ARHGAP10: variants seen among roughly 807,000 people sequenced by gnomAD.
ARHGAP10 encodes the protein Rho GTPase activating protein 10, also known as rho GTPase-activating protein 10.
Under a neutral mutation model 108.6 loss-of-function variants are expected in ARHGAP10, and 87 were observed. The ratio of observed to expected loss-of-function variants is 0.80; its 90% CI spans 0.67 to 0.96. The LOEUF (loss-of-function observed/expected upper bound fraction) is 0.96. ARHGAP10 is among the 40% of genes least tolerant of loss of function. ARHGAP10 has a pLI of 0.00. For missense variants in ARHGAP10, 939 were observed against 954.5 expected, an observed-to-expected ratio of 0.98 and a Z score of 0.21; for synonymous variants, 347 against 341.1, an observed-to-expected ratio of 1.02 and a Z score of -0.19.
At chr4:147,922,476 T>C (rs1578692978) in intron 13 of ARHGAP10, among the ~76,000 whole-genome samples, 1 of 149,386 alleles carries the variant, frequency 6.7e-6, no homozygotes, top group Admixed American at 6.7e-5. Flanking sequence ...GATCACGAGG[T>C]CAGGAGATCG....
chr4:148,039,051 C>CCA (rs1402538920), intron 19 of ARHGAP10, among the ~76,000 whole-genome samples: 1 of 152,140 alleles, frequency 6.6e-6, no homozygotes, highest in African/African-American at 2.4e-5. Context: ...CTACCCACCC[C>CCA]CACCATGTTG....
intron 3 of ARHGAP10, 52 bp from the exon 4 acceptor site, chr4:147,847,099 C>T: frequency 2.0e-6 from 3 of 1,466,238 alleles, no homozygotes; most frequent in South Asian, 2.4e-5. Context: ...CTAATTTTTT[C>T]CTTTTTGGAA....
chr4:148,065,778 G>T (rs1311678910), intron 22 of ARHGAP10: 1 of 152,108 alleles, frequency 6.6e-6, no homozygotes, highest in Admixed American at 6.5e-5. Context: ...AGTTACCTTG[G>T]TAGAAGGTGT....
In ARHGAP10 at chr4:147,948,276, A is replaced by G. The variant is rs574292286; in HGVS notation, c.1391+1572A>G. Among the ~76,000 whole-genome samples, 5 of 152,294 alleles carry G rather than the reference A, an allele frequency of 3.3e-5. No individual in the cohort carries two copies. In the South Asian group the frequency reaches 6.2e-4, roughly 19 times the overall value. On this transcript the variant is annotated intron_variant, in intron 15 of 22. Transcript: ENST00000336498. Reference sequence around the variant, plus strand: ...TGAAACATCATATTACTGTACCCATAAATACTTCAGTATTTATCTCAAAAA... The same window carrying G: ...TGAAACATCATATTACTGTACCCATGAATACTTCAGTATTTATCTCAAAAA...
At chr4:147,753,769 A>G (rs1729261496) in intron 1 of ARHGAP10, among the ~76,000 whole-genome samples, 1 of 152,214 alleles carries the variant, frequency 6.6e-6, no homozygotes, top group African/African-American at 2.4e-5. Flanking sequence ...AACTATTTTC[A>G]TGATGCTCAC....
intron 1 of ARHGAP10, among the ~76,000 whole-genome samples, chr4:147,740,066 TGA>T (rs1728597003): frequency 2.0e-5 from 3 of 147,812 alleles, no homozygotes; most frequent in Non-Finnish European, 4.5e-5. Context: ...TTTTTTTTTT[TGA>T]GACAGAGTCT....
At chr4:148,058,890 A>G (rs1217936358) in intron 20 of ARHGAP10, among the ~76,000 whole-genome samples, 2 of 152,154 alleles carry the variant, frequency 1.3e-5, no homozygotes, top group Non-Finnish European at 2.9e-5. Context: ...TAAAGAAGAG[A>G]GTTTCCTCAT....
At chr4:147,775,480 C>A (rs1730248586) in intron 1 of ARHGAP10, among the ~76,000 whole-genome samples, 1 of 152,184 alleles carries the variant, frequency 6.6e-6, no homozygotes, top group African/African-American at 2.4e-5. Context: ...TTCCTCAGAG[C>A]TGCATTAGGG....
intron 22 of ARHGAP10, among the ~76,000 whole-genome samples, chr4:148,067,312 A>G (rs1411732621): frequency 6.6e-6 from 1 of 152,246 alleles, no homozygotes; most frequent in Admixed American, 6.5e-5. Context: ...TGCACCTTAC[A>G]TCTTCTGTGC....
At chr4:148,039,180 G>A (rs1728511362) in intron 19 of ARHGAP10, among the ~76,000 whole-genome samples, 1 of 151,678 alleles carries the variant, frequency 6.6e-6, no homozygotes, top group Non-Finnish European at 1.5e-5. Context: ...ATCTTATATT[G>A]CTTCTTTTAT....
intron 12 of ARHGAP10, among the ~76,000 whole-genome samples, chr4:147,911,796 A>C (rs1736748102): frequency 6.6e-6 from 1 of 152,174 alleles, no homozygotes; most frequent in African/African-American, 2.4e-5. Flanking sequence ...CTGCCATATG[A>C]ATCATCTGTT....
At chr4:148,039,759 C>A (rs1728551911) in intron 19 of ARHGAP10, among the ~76,000 whole-genome samples, 1 of 151,980 alleles carries the variant, frequency 6.6e-6, no homozygotes, top group Non-Finnish European at 1.5e-5. Context: ...GTCTTACGTG[C>A]AGGATTTTCC....
intron 1 of ARHGAP10, among the ~76,000 whole-genome samples, chr4:147,806,744 C>T (rs1731801791): frequency 6.6e-6 from 1 of 152,114 alleles, no homozygotes; most frequent in Middle Eastern, 3.2e-3. Context: ...TTCTGTTGCC[C>T]AGGCTGGAGT....
At chr4:147,906,843 A>C (rs1026306686) in intron 11 of ARHGAP10, 124 bp downstream of exon 11, 6 of 1,121,248 alleles carry the variant, frequency 5.4e-6, no homozygotes, top group Non-Finnish European at 7.9e-6. Context: ...TCCAAAAATC[A>C]TCGTGGAAGC....
intron 20 of ARHGAP10, among the ~76,000 whole-genome samples, chr4:148,059,425 CA>C: frequency 6.6e-6 from 1 of 151,672 alleles, no homozygotes; most frequent in South Asian, 2.1e-4. Context: ...TCTTACTAAT[CA>C]AAAATCCGTA....
chr4:147,866,236 T>C (rs1353173147), intron 6 of ARHGAP10: 3 of 152,838 alleles, frequency 2.0e-5, no homozygotes, highest in African/African-American at 7.2e-5. Flanking sequence ...AGTAAAGGTT[T>C]AATTACGGGT....
At chr4:147,858,742 C>T (rs7654433) in intron 5 of ARHGAP10, among the ~76,000 whole-genome samples, 114,281 of 152,164 alleles carry the variant, frequency 0.75, 46,173 homozygotes, top group Non-Finnish European at 0.89. Context: ...TACAGGCCCC[C>T]TTTATGCTAG....
chr4:147,786,327 CA>C (rs1730888902), intron 1 of ARHGAP10, among the ~76,000 whole-genome samples: 1 of 152,138 alleles, frequency 6.6e-6, no homozygotes, highest in South Asian at 2.1e-4. Flanking sequence ...CTGGAAACAA[CA>C]ACATTCAGGT....
At chr4:147,760,604 A>G (rs1047659722) in intron 1 of ARHGAP10, among the ~76,000 whole-genome samples, 1 of 152,120 alleles carries the variant, frequency 6.6e-6, no homozygotes, top group African/African-American at 2.4e-5. Context: ...TGATGGACTT[A>G]CTCTGTTGGA....
Sources: gnomAD v4.1 joint callset for allele counts (sites outside exome capture counted in the v4.1 genomes callset) on GRCh38, gnomAD v4.1.1 for gene constraint, MANE v1.5 for transcripts, NCBI Gene and HGNC (gene_info 2026-07-23, HGNC 2026-07-21) for gene names.